Variants in ANO9 observed in about 807,000 individuals in gnomAD.
ANO9 encodes anoctamin 9, also known as anoctamin-9.
Under a neutral mutation model 100.5 loss-of-function variants are expected in ANO9, and 80 were observed. The observed-to-expected ratio is 0.80, with a 90% CI of 0.66 to 0.96. The LOEUF (loss-of-function observed/expected upper bound fraction) is 0.96, where lower values mean the gene tolerates loss of function less well. ANO9 is among the 40% of genes least tolerant of loss of function. The pLI is 0.00. For missense variants in ANO9, 1,064 were observed against 1,072.7 expected (o/e 0.99, Z 0.11); for synonymous variants, 473 against 435.6 (o/e 1.09, Z -1.07).
chr11:428,303 C>T, intron 14 of ANO9, 55 bp downstream of exon 14: 1 of 1,610,276 alleles, frequency 6.2e-7, no homozygotes. Flanking sequence ...CCCAAGGCCC[C>T]AGCCCTGAGT....
intron 20 of ANO9, 76 bp from the exon 21 acceptor site, chr11:419,065 C>G: frequency 6.2e-7 from 1 of 1,600,766 alleles, no homozygotes; most frequent in South Asian, 1.1e-5. Flanking sequence ...GTGCTTCTAG[C>G]CTGCGTTGTG....
chr11:433,743 C>G, intron 3 of ANO9, 72 bp downstream of exon 3: 1 of 1,505,906 alleles, frequency 6.6e-7, no homozygotes, highest in Non-Finnish European at 8.9e-7. Flanking sequence ...CCGCCCCAGC[C>G]CCATGGCCCT....
chr11:433,287 G>A (rs1849166872), intron 4 of ANO9, 27 bp downstream of exon 4: 1 of 1,605,790 alleles, frequency 6.2e-7, no homozygotes, highest in Admixed American at 1.7e-5. Context: ...GGTTCTCCTG[G>A]CCACGGCTCT....
Position 418,299 on chromosome 11 carries a change from G to A in ANO9, c.*72C>T, listed in dbSNP as rs560869682. On this transcript the variant is annotated 3_prime_UTR_variant, in exon 23 of 23. Coordinates refer to ENST00000332826, the MANE Select transcript of ANO9 (RefSeq NM_001012302.3). ...CTCACAGCACCCCTCAACACGCACA[G>A]CGGTGGGCTTGTGGGAGGTGCTGGT... is the stretch of plus-strand genomic sequence containing the variant. The A allele has an allele frequency of 1.4e-6, 2 of 1,404,528 alleles. No homozygotes were observed. Among genetic ancestry groups the A allele is most frequent in the South Asian group, 2.8e-5 (2 of 71,004 alleles). The allele number at this position is 1,404,528 out of a possible 1,614,324, so 87.0% of individuals were successfully genotyped here.
At position 418,188 on chromosome 11, in the gene ANO9, A is replaced by T; in HGVS notation, c.*183T>A. 1.5e-6 allele frequency: 1 copy of T among 651,660 alleles called. No individual in the cohort carries two copies. Among genetic ancestry groups the T allele is most frequent in the Non-Finnish European group, 2.6e-6 (1 of 389,504 alleles). 40.4% of individuals were successfully genotyped at this position (651,660 alleles called of 1,614,324 possible). On this transcript the variant is annotated 3_prime_UTR_variant, in exon 23 of 23. Coordinates refer to ENST00000332826, the MANE Select transcript of ANO9 (RefSeq NM_001012302.3). ...GGCTGTGCCAAGCCTGAGAGCCCCC[A>T]CAAAGACGGAGCAGGCGGAATAGGG... is the stretch of plus-strand genomic sequence containing the variant.
rs1388870222 is a variant in ANO9, at chr11:420,865, G to A, written c.1491-5C>T. ...CGGCACTTGTGGGTCACCCACCTGC[G>A]GGGAGAGCTGCGTGGCAGGGAGGGC... On this transcript the variant is annotated splice_region_variant and splice_polypyrimidine_tract_variant and intron_variant, in intron 17 of 22. Transcript: ENST00000332826. The A allele has an allele frequency of 1.9e-6, 3 of 1,589,640 alleles. No homozygotes were observed. The highest frequency in any genetic ancestry group is 1.1e-5 in the South Asian group (1 of 89,560).
chr11:439,946 G>A (rs150456047), intron 1 of ANO9, among the ~76,000 whole-genome samples: 23 of 152,354 alleles, frequency 1.5e-4, no homozygotes, highest in Non-Finnish European at 2.8e-4. Flanking sequence ...AGTGCGTGGC[G>A]TTCGTGGACG....
In ANO9 at chr11:429,334, A is replaced by T. The variant is rs995363085; in HGVS notation, c.915+236T>A. ...ACGCACCCCACACGTGGGGAGACAG[A>T]CACAGCGACACGCCTCACGGGTGGA... On this transcript the variant is annotated intron_variant, in intron 11 of 22. Transcript: ENST00000332826. 1.7e-5 allele frequency: 16 copies of T among 963,234 alleles called. No individual in the cohort carries two copies. The African/African-American group carries it at 2.1e-4, about 13-fold the overall frequency. 59.7% of individuals were successfully genotyped at this position (963,234 alleles called of 1,614,324 possible). A position where few individuals can be genotyped will look rare whatever the true frequency, so the allele number is the denominator to read the frequency against.
At position 418,528 on chromosome 11, in the gene ANO9, A is replaced by C. The variant is rs1157119274; in HGVS notation, c.2192T>G (p.Val731Gly). 3 of 1,612,928 alleles carry C rather than the reference A, an allele frequency of 1.9e-6. No homozygotes were observed. The Admixed American group carries it at 5.0e-5, about 27-fold the overall frequency. ...AWFVPDIPQS[V>G]KNKVLEVKYQ... ...CTTCACCTCCAGAACCTTGTTCTTCACCGACTGAGGGATGTCGGGCACGAA... is the reference window on the plus strand; with the variant it reads ...CTTCACCTCCAGAACCTTGTTCTTCCCCGACTGAGGGATGTCGGGCACGAA... The change falls in exon 23 of 23, where the codon GTG (valine) becomes GGG (glycine). Residue 731 changes from valine (V) to glycine (G), a missense_variant. Val to Gly is a moderately radical substitution (Grantham distance 109). Transcript: ENST00000332826.
At position 420,820 on chromosome 11, in the gene ANO9, A is replaced by G; in HGVS notation, c.1531T>C (p.Ser511Pro). The change falls in exon 18 of 23, where the codon TCC becomes CCC. Residue 511 changes from serine (S) to proline (P), a missense_variant. Coordinates refer to ENST00000332826, the MANE Select transcript of ANO9 (RefSeq NM_001012302.3). ...TCGGGGTCCCGGGGCAGGTGCCCGG[A>G]CTCGGAGGCCCGCAGAGAGCGGCAC... ...HKCRSLRASE[S>P]GHLPRDPELR... The G allele has an allele frequency of 6.3e-7, 1 of 1,592,490 alleles. No homozygotes were observed. Among genetic ancestry groups the G allele is most frequent in the Non-Finnish European group, 8.5e-7 (1 of 1,173,256 alleles).
intron 15 of ANO9, among the ~76,000 whole-genome samples, chr11:423,346 G>A (rs1192402767): frequency 6.6e-6 from 1 of 152,138 alleles, no homozygotes; most frequent in African/African-American, 2.4e-5. Flanking sequence ...AGCAAAGAAT[G>A]GAATTTGGTG....
In ANO9 at chr11:431,576, CTCCCGCGGGT is replaced by C. The variant is rs1455424762; in HGVS notation, c.539+108_539+117del. 18 of 524,000 alleles carry C rather than the reference CTCCCGCGGGT, an allele frequency of 3.4e-5. 3 individuals are homozygous for C. The highest frequency in any genetic ancestry group is 6.5e-5 in the South Asian group (3 of 46,216). 32.5% of individuals were successfully genotyped at this position (524,000 alleles called of 1,614,324 possible). On this transcript the variant is annotated intron_variant, in intron 7 of 22. Coordinates refer to ENST00000332826, the MANE Select transcript of ANO9 (RefSeq NM_001012302.3). ...GGGGGCGTCTGCGGGGGTGTGGGGG[CTCCCGCGGGT>C]ATCTGGGGGCTTCCGCGGGGGTGTG...
rs1397737307 is a variant in ANO9, at chr11:422,331, A to G, written c.1335-1133T>C. Among the ~76,000 whole-genome samples, 1 of 152,270 alleles carries G rather than the reference A, an allele frequency of 6.6e-6. No homozygotes were observed. Among genetic ancestry groups the G allele is most frequent in the Non-Finnish European group, 1.5e-5 (1 of 68,048 alleles). ...GGGCCGCAAAGACGTCCACGTGCTC[A>G]TTCTTGGAGCCTGTGACCACGTTCT... On this transcript the variant is annotated intron_variant, in intron 15 of 22. Transcript: ENST00000332826. This position sits in a 1 kb window ranked among gnomAD's most constrained non-coding sequence, Gnocchi z 4.3.
chr11:425,630 T>A (rs1292717620), intron 15 of ANO9, among the ~76,000 whole-genome samples: 2 of 150,390 alleles, frequency 1.3e-5, no homozygotes, highest in African/African-American at 4.9e-5. Context: ...TCCGATAATA[T>A]GAACAGTCAA....
chr11:436,582 G>A (rs929999776), intron 1 of ANO9, among the ~76,000 whole-genome samples: 2 of 150,396 alleles, frequency 1.3e-5, no homozygotes, highest in Admixed American at 1.3e-4. Context: ...ACCAGTCCTT[G>A]GCCAGTTAGG....
Position 432,087 on chromosome 11 carries a change from C to T in ANO9, c.351-33G>A, listed in dbSNP as rs767224416. ...GCCAGAGCAGGGTGGCCCCGTGTGA[C>T]CACAGTGGACCCTGCCTCCAGGTCT... On this transcript the variant is annotated intron_variant, in intron 4 of 22. Coordinates refer to ENST00000332826, the MANE Select transcript of ANO9 (RefSeq NM_001012302.3). The surrounding 1 kb of genome is among the most constrained non-coding windows in gnomAD (Gnocchi z 4.8). 6 of 1,610,890 alleles carry T rather than the reference C, an allele frequency of 3.7e-6. No homozygotes were observed. The highest frequency in any genetic ancestry group is 3.3e-5 in the South Asian group (3 of 91,016).
At position 420,567 on chromosome 11, in the gene ANO9, G is replaced by A. The variant is rs774993188; in HGVS notation, c.1682C>T (p.Ala561Val). 14 of 1,605,460 alleles carry A rather than the reference G, an allele frequency of 8.7e-6. No individual in the cohort carries two copies. Among genetic ancestry groups the A allele is most frequent in the Non-Finnish European group, 1.2e-5 (14 of 1,179,562 alleles). The change falls in exon 19 of 23, where the codon GCG becomes GTG. Residue 561 changes from alanine to valine, a missense_variant. Ala to Val is a moderately conservative substitution (Grantham distance 64, BLOSUM62 0). Coordinates refer to ENST00000332826, the MANE Select transcript of ANO9 (RefSeq NM_001012302.3). ...GTTGCTGAAGAGCGCGAGCAGCGGC[G>A]CCAGCGGGAAGGCGGCCACGAAGAT... ...TTIFVAAFPLAPLLALFSNLV... is the reference protein window; with the variant it reads ...TTIFVAAFPLVPLLALFSNLV...
intron 1 of ANO9, among the ~76,000 whole-genome samples, chr11:438,704 G>C (rs193172635): frequency 6.6e-6 from 1 of 152,010 alleles, no homozygotes; most frequent in Non-Finnish European, 1.5e-5. Flanking sequence ...CAGTGTTTAC[G>C]GACCACGGGA....
rs751366227 is a variant in ANO9, at chr11:433,389, G to T, written c.275C>A (p.Thr92Asn). The change falls in exon 4 of 23, where the codon ACT becomes AAT. Residue 92 changes from threonine (T) to asparagine (N), a missense_variant. Transcript: ENST00000332826. ...ADNSVFGLYR[T>N]LLLEPEGPAP... ...AGGCCCCTCAGGCTCCAGGAGGAGA[G>T]TGCGGTACAGGCCAAAGACACTGTT... 1.9e-6 allele frequency: 3 copies of T among 1,613,234 alleles called. No homozygotes were observed. The highest frequency in any genetic ancestry group is 2.5e-6 in the Non-Finnish European group (3 of 1,179,898).
Sources: gnomAD v4.1 joint callset for allele counts (sites outside exome capture counted in the v4.1 genomes callset) on GRCh38, gnomAD v4.1.1 for gene constraint, Gnocchi (gnomAD v3.1) non-coding constraint, MANE v1.5 for transcripts, NCBI Gene and HGNC (gene_info 2026-07-23, HGNC 2026-07-21) for gene names.